SLC13A1: variants seen among roughly 807,000 people sequenced by gnomAD.
SLC13A1 encodes solute carrier family 13 member 1.
In SLC13A1, 65 loss-of-function variants were observed where a neutral mutation model predicts 70.0. That is an observed-to-expected ratio of 0.93 (90% CI 0.76 to 1.14). The LOEUF (loss-of-function observed/expected upper bound fraction) is 1.14, where lower values mean the gene tolerates loss of function less well. SLC13A1 is among the 50% of genes most tolerant of loss of function. The probability of loss-of-function intolerance (pLI) is 0.00; values close to 1 mark genes in which losing one functional copy is unlikely to be tolerated. For missense variants in SLC13A1, 726 were observed against 717.8 expected, an observed-to-expected ratio of 1.01 and a Z score of -0.13; for synonymous variants, 275 against 250.5, an observed-to-expected ratio of 1.10 and a Z score of -0.92.
chr7:123,161,499 A>G (rs181851685), intron 6 of SLC13A1, among the ~76,000 whole-genome samples: 29 of 152,306 alleles, frequency 1.9e-4, no homozygotes, highest in Middle Eastern at 3.4e-3. Context: ...AAAGTAATAG[A>G]ATAATTTCTA....
chr7:123,170,233 T>C lies in SLC13A1; in HGVS notation c.366-898A>G, dbSNP rs139664582. On this transcript the variant is annotated intron_variant, in intron 3 of 14. Transcript: ENST00000194130. ...CAGATGTACAAGAACAATACCACAC[T>C]GTAAGTTTCAGACTCAGATAAGGTG... 1.7e-3 allele frequency among the ~76,000 whole-genome samples: 254 copies of C among 152,220 alleles called. 2 individuals are homozygous for C. The highest frequency in any genetic ancestry group is 5.3e-3 in the African/African-American group (219 of 41,536).
chr7:123,117,824 C>T lies in SLC13A1; in HGVS notation c.1513-216G>A, dbSNP rs528180818. ...GTTACAGATGCCCACTTAAACATTA[C>T]AGTCCAGTTCATTTAGAAAATAAAA... On this transcript the variant is annotated intron_variant, in intron 13 of 14. Coordinates refer to ENST00000194130, the MANE Select transcript of SLC13A1 (RefSeq NM_022444.4). Among the ~76,000 whole-genome samples, 3 of 152,084 alleles carry T rather than the reference C, an allele frequency of 2.0e-5. No homozygotes were observed. The East Asian group carries it at 5.8e-4, about 29-fold the overall frequency.
At chr7:123,174,005 G>T in intron 2 of SLC13A1, among the ~76,000 whole-genome samples, 1 of 134,682 alleles carries the variant, frequency 7.4e-6, no homozygotes, top group Admixed American at 7.8e-5. Context: ...TTCTATACCT[G>T]CCTGTGAATT....
intron 14 of SLC13A1, 117 bp from the exon 15 acceptor site, chr7:123,115,772 T>C: frequency 1.9e-6 from 2 of 1,047,178 alleles, no homozygotes; most frequent in African/African-American, 1.6e-5. Flanking sequence ...TTAGTATAAA[T>C]TGTCATTTTT....
intron 4 of SLC13A1, 96 bp from the exon 5 acceptor site, chr7:123,168,657 T>C (rs917861646): frequency 3.4e-6 from 3 of 874,148 alleles, no homozygotes; most frequent in East Asian, 2.7e-5. Context: ...TTAGTAGAAA[T>C]TGAAAATAAA....
In SLC13A1 at chr7:123,167,298, T is replaced by A. The variant is rs145485058; in HGVS notation, c.660+1076A>T. ...TTAATTTTTCATGTTTTATAGGAATTATTTCTATCTCTAAAGATAATATCT... is the reference window on the plus strand; with the variant it reads ...TTAATTTTTCATGTTTTATAGGAATAATTTCTATCTCTAAAGATAATATCT... On this transcript the variant is annotated intron_variant, in intron 6 of 14. Coordinates refer to ENST00000194130, the MANE Select transcript of SLC13A1 (RefSeq NM_022444.4). 3.8e-3 allele frequency among the ~76,000 whole-genome samples: 576 copies of A among 152,362 alleles called. 4 individuals carry two copies. Among genetic ancestry groups the A allele is most frequent in the African/African-American group, 0.013 (546 of 41,586 alleles).
chr7:123,156,155 A>G (rs1371562879), intron 6 of SLC13A1, among the ~76,000 whole-genome samples: 7 of 152,124 alleles, frequency 4.6e-5, no homozygotes, highest in Non-Finnish European at 8.8e-5. Flanking sequence ...TTTAGGATTC[A>G]GCTTCCATGG....
chr7:123,126,688 T>C (rs1793573096), intron 10 of SLC13A1, among the ~76,000 whole-genome samples: 1 of 152,158 alleles, frequency 6.6e-6, no homozygotes, highest in Non-Finnish European at 1.5e-5. Flanking sequence ...TCTTTAAGTA[T>C]AGACACATTT....
intron 12 of SLC13A1, among the ~76,000 whole-genome samples, chr7:123,121,272 C>T (rs979289675): frequency 2.0e-4 from 31 of 152,080 alleles, no homozygotes; most frequent in African/African-American, 6.5e-4. Context: ...ATATTCAGCT[C>T]TGGCTTTTAC....
chr7:123,125,433 G>T, intron 11 of SLC13A1, 136 bp downstream of exon 11: 2 of 627,286 alleles, frequency 3.2e-6, no homozygotes, highest in Non-Finnish European at 5.7e-6. Flanking sequence ...ATTGCAGTTT[G>T]CAAATAGGGC....
intron 7 of SLC13A1, among the ~76,000 whole-genome samples, chr7:123,138,965 G>C (rs1418875487): frequency 6.6e-6 from 1 of 152,076 alleles, no homozygotes; most frequent in African/African-American, 2.4e-5. Flanking sequence ...CTGGGCTTGT[G>C]GGGTATTATT....
intron 6 of SLC13A1, among the ~76,000 whole-genome samples, chr7:123,153,869 C>CAT (rs533497805): frequency 7.4e-4 from 113 of 152,000 alleles, no homozygotes; most frequent in African/African-American, 2.7e-3. Context: ...TGAAATGAAA[C>CAT]ATATATATAT....
intron 6 of SLC13A1, among the ~76,000 whole-genome samples, chr7:123,161,240 T>G (rs1269910987): frequency 6.6e-6 from 1 of 150,598 alleles, no homozygotes; most frequent in Non-Finnish European, 1.5e-5. Context: ...AAAAAAGACT[T>G]AAATAAAATA....
intron 12 of SLC13A1, among the ~76,000 whole-genome samples, chr7:123,122,672 C>A (rs1793423002): frequency 6.6e-6 from 1 of 151,826 alleles, no homozygotes; most frequent in Admixed American, 6.6e-5. Flanking sequence ...ATCTTTAAAG[C>A]TAATATTATT....
chr7:123,125,536 T>A (rs914657073), intron 11 of SLC13A1, 33 bp downstream of exon 11: 6 of 1,492,926 alleles, frequency 4.0e-6, no homozygotes, highest in Non-Finnish European at 5.5e-6. Flanking sequence ...GCTCTTCTGT[T>A]AAATTTATGC....
intron 2 of SLC13A1, among the ~76,000 whole-genome samples, chr7:123,179,335 C>G (rs1302605658): frequency 6.6e-6 from 1 of 151,996 alleles, no homozygotes; most frequent in Non-Finnish European, 1.5e-5. Context: ...ATATTAGAGG[C>G]CCATAACCCA....
intron 2 of SLC13A1, among the ~76,000 whole-genome samples, chr7:123,178,029 CTCTCTATA>C (rs1189961315): frequency 6.7e-6 from 1 of 149,656 alleles, no homozygotes; most frequent in African/African-American, 2.5e-5. Flanking sequence ...CTCTCTCTCT[CTCTCTATA>C]TATATATATA....
Position 123,169,142 on chromosome 7 carries a change from T to G in SLC13A1, c.553+6A>C. 6.2e-7 allele frequency: 1 copy of G among 1,613,696 alleles called. No homozygotes were observed. The highest frequency in any genetic ancestry group is 1.1e-5 in the South Asian group (1 of 91,066). On this transcript the variant is annotated splice_donor_region_variant and intron_variant, in intron 4 of 14. Transcript: ENST00000194130. ...ACCCCAGATTGGCCATATCAACATG[T>G]GATACCATCAATTTCTAGTCCGTGG...
chr7:123,119,916 G>A (rs183062364), intron 12 of SLC13A1, among the ~76,000 whole-genome samples: 6 of 151,888 alleles, frequency 4.0e-5, no homozygotes, highest in Admixed American at 6.6e-5. Flanking sequence ...CTATCAGTGC[G>A]TTTACTCTCC....
Sources: allele counts gnomAD v4.1 joint callset (sites outside exome capture counted in the v4.1 genomes callset), GRCh38; gene constraint gnomAD v4.1.1; transcripts MANE v1.5; gene names NCBI Gene and HGNC (gene_info 2026-07-23, HGNC 2026-07-21).